MAF: variants seen among roughly 807,000 people sequenced by gnomAD.
MAF encodes MAF bZIP transcription factor.
MAF carries 10 observed loss-of-function variants against 22.0 expected under a neutral mutation model. The ratio of observed to expected loss-of-function variants is 0.45; its 90% CI spans 0.28 to 0.77. The LOEUF is 0.77. Among genes scored for constraint, MAF ranks in the 30% least tolerant of loss-of-function variants. The pLI, the probability that MAF is intolerant of heterozygous loss-of-function variation, is 0.12. For missense variants in MAF, 544 were observed against 548.4 expected (o/e 0.99, Z 0.08); for synonymous variants, 337 against 255.8 (o/e 1.32, Z -3.03).
chr16:79,310,833 T>C, the MAF span, among the ~76,000 whole-genome samples: 3 of 151,810 alleles, frequency 2.0e-5, no homozygotes, highest in African/African-American at 7.3e-5. Context: ...TCCAAAGGAG[T>C]CTTGTCGCAT....
chr16:79,387,410 A>G, the MAF span, among the ~76,000 whole-genome samples: 1 of 152,182 alleles, frequency 6.6e-6, no homozygotes, highest in Non-Finnish European at 1.5e-5. Flanking sequence ...GGATCCCAAC[A>G]TCCACTACTA....
At chr16:79,538,246 C>T in the MAF span, among the ~76,000 whole-genome samples, 1 of 152,104 alleles carries the variant, frequency 6.6e-6, no homozygotes, top group Non-Finnish European at 1.5e-5. Context: ...AGTAAAATAG[C>T]CCTGAAACGT....
the MAF span, among the ~76,000 whole-genome samples, chr16:79,478,454 C>T: frequency 6.6e-6 from 1 of 152,140 alleles, no homozygotes. Context: ...CGGGTTCCAA[C>T]AGAGAAGAAC....
At chr16:79,426,431 T>G in the MAF span, among the ~76,000 whole-genome samples, 3 of 152,202 alleles carry the variant, frequency 2.0e-5, no homozygotes, top group Admixed American at 2.0e-4. Context: ...CTAATAGAAC[T>G]GTGACAATTA....
chr16:79,335,284 A>T, the MAF span, among the ~76,000 whole-genome samples: 1 of 151,946 alleles, frequency 6.6e-6, no homozygotes, highest in Non-Finnish European at 1.5e-5. Context: ...TTAATGAAGG[A>T]TATCTCTTCA....
the MAF span, among the ~76,000 whole-genome samples, chr16:79,219,127 T>G: frequency 1.3e-5 from 2 of 152,204 alleles, no homozygotes; most frequent in Non-Finnish European, 2.9e-5. Flanking sequence ...AAAGCTCCTT[T>G]TAATTTTCAA....
the MAF span, among the ~76,000 whole-genome samples, chr16:79,228,371 T>A: frequency 6.6e-6 from 1 of 152,006 alleles, no homozygotes; most frequent in Non-Finnish European, 1.5e-5. Flanking sequence ...GGGTCTGATC[T>A]CCTAATAATA....
At chr16:79,203,943 T>A in the MAF span, 1 of 152,138 alleles carries the variant, frequency 6.6e-6, no homozygotes, top group African/African-American at 2.4e-5. Context: ...ACACTAAATA[T>A]CTTCTTTTAT....
chr16:79,488,208 C>T, the MAF span, among the ~76,000 whole-genome samples: 1 of 152,104 alleles, frequency 6.6e-6, no homozygotes, highest in African/African-American at 2.4e-5. Context: ...TGCCAGCCAG[C>T]CAGGGTACCC....
At chr16:79,221,144 G>A in the MAF span, among the ~76,000 whole-genome samples, 2 of 152,182 alleles carry the variant, frequency 1.3e-5, no homozygotes, top group East Asian at 1.9e-4. Flanking sequence ...GACTGCGTTG[G>A]GAAATGTTCA....
At chr16:79,230,257 T>C in the MAF span, among the ~76,000 whole-genome samples, 3 of 152,250 alleles carry the variant, frequency 2.0e-5, no homozygotes, top group South Asian at 6.2e-4. Flanking sequence ...TTTGGCATTC[T>C]GGGTTCTGAC....
chr16:79,213,695 T>G, the MAF span, among the ~76,000 whole-genome samples: 1 of 152,184 alleles, frequency 6.6e-6, no homozygotes, highest in African/African-American at 2.4e-5. Context: ...AGCAGTTAGT[T>G]AGTTAGACAT....
the MAF span, among the ~76,000 whole-genome samples, chr16:79,218,824 T>C: frequency 2.2e-4 from 33 of 152,276 alleles, no homozygotes; most frequent in Non-Finnish European, 3.2e-4. Flanking sequence ...TACTAGATTA[T>C]TGCACCAGTG....
the MAF span, among the ~76,000 whole-genome samples, chr16:79,406,071 C>G: frequency 1.3e-5 from 2 of 152,246 alleles, no homozygotes; most frequent in African/African-American, 4.8e-5. Flanking sequence ...TCCCTCACCT[C>G]TGAGGCTCAT....
the MAF span, among the ~76,000 whole-genome samples, chr16:79,460,009 A>G: frequency 6.6e-6 from 1 of 152,180 alleles, no homozygotes; most frequent in South Asian, 2.1e-4. Context: ...CCCTTTCACC[A>G]GGTTAACCTC....
At chr16:79,553,703 G>C in the MAF span, among the ~76,000 whole-genome samples, 7 of 152,196 alleles carry the variant, frequency 4.6e-5, no homozygotes, top group East Asian at 1.3e-3. Context: ...CTTCTTGAAA[G>C]GGCGTCTAGC....
chr16:79,305,290 G>A, the MAF span, among the ~76,000 whole-genome samples: 16 of 152,282 alleles, frequency 1.1e-4, no homozygotes, highest in African/African-American at 3.8e-4. Context: ...CTCGGTTACC[G>A]AGCATATCCA....
the MAF span, among the ~76,000 whole-genome samples, chr16:79,417,287 T>C: frequency 2.0e-5 from 3 of 152,178 alleles, no homozygotes; most frequent in Admixed American, 2.0e-4. Context: ...ACATAAACCT[T>C]TTATAGAAAC....
chr16:79,442,337 G>C, the MAF span, among the ~76,000 whole-genome samples: 7 of 152,252 alleles, frequency 4.6e-5, no homozygotes, highest in East Asian at 1.3e-3. Flanking sequence ...ATAAAGAGCT[G>C]AGTCCACAGA....
Sources: gnomAD v4.1 joint callset for allele counts (sites outside exome capture counted in the v4.1 genomes callset) on GRCh38, gnomAD v4.1.1 for gene constraint, MANE v1.5 for transcripts, NCBI Gene and HGNC (gene_info 2026-07-23, HGNC 2026-07-21) for gene names.